The following CNIH3 variants were observed in gnomAD, a reference collection of about 807,000 sequenced individuals.
The protein encoded by CNIH3 is protein cornichon homolog 3.
A neutral mutation model predicts 24.1 loss-of-function variants in CNIH3; 14 were observed. That is an observed-to-expected ratio of 0.58 (90% confidence interval 0.38 to 0.91). CNIH3 has a LOEUF of 0.91. Ranked by LOEUF, CNIH3 falls within the 40% of genes least tolerant of loss-of-function variation. The pLI, the probability that CNIH3 is intolerant of heterozygous loss-of-function variation, is 0.00. For missense variants in CNIH3, 178 were observed against 196.8 expected (o/e 0.90, Z 0.57); for synonymous variants, 68 against 73.8 (o/e 0.92, Z 0.40).
downstream of CNIH3, among the ~76,000 whole-genome samples, chr1:224,539,255 T>C (rs1679418111): frequency 6.6e-6 from 1 of 152,212 alleles, no homozygotes. Context: ...GAAGCCTCAG[T>C]CGTCTTCCAT....
At chr1:224,582,191 T>C (rs1681304412) in intron 4 of CNIH3, among the ~76,000 whole-genome samples, 1 of 152,182 alleles carries the variant, frequency 6.6e-6, no homozygotes, top group Non-Finnish European at 1.5e-5. Flanking sequence ...CCTTCATCCT[T>C]TCTTTGTGCC....
intron 1 of CNIH3, among the ~76,000 whole-genome samples, chr1:224,484,171 C>CAAAAAAAAAAAAAAAA (rs35380158): frequency 7.1e-6 from 1 of 140,450 alleles, no homozygotes; most frequent in African/African-American, 2.7e-5. Flanking sequence ...AACTCTGTCT[C>CAAAAAAAAAAAAAAAA]AAAAAAAAAA....
intron 5 of CNIH3, 101 bp downstream of exon 5, chr1:224,734,807 G>C: frequency 3.1e-6 from 4 of 1,277,214 alleles, no homozygotes; most frequent in Non-Finnish European, 4.5e-6. Flanking sequence ...GGCGTGCGAG[G>C]GTGGGAGTCA....
At chr1:224,555,928 C>T (rs1423536746) in intron 3 of CNIH3, among the ~76,000 whole-genome samples, 3 of 152,210 alleles carry the variant, frequency 2.0e-5, no homozygotes, top group Admixed American at 1.3e-4. Flanking sequence ...TTGACTCCCA[C>T]CAGTTAGATG....
chr1:224,678,620 G>T (rs1228460535), intron 1 of CNIH3, among the ~76,000 whole-genome samples: 1 of 151,960 alleles, frequency 6.6e-6, no homozygotes, highest in Non-Finnish European at 1.5e-5. Context: ...TACTTAAAGG[G>T]GTTCTTTGTG....
intron 1 of CNIH3, among the ~76,000 whole-genome samples, chr1:224,634,456 C>T (rs1462116744): frequency 6.6e-6 from 1 of 151,842 alleles, no homozygotes; most frequent in Non-Finnish European, 1.5e-5. Flanking sequence ...GTAGTCCCAG[C>T]TACTCAGGAG....
At chr1:224,705,662 TTC>T (rs1425761208) in intron 3 of CNIH3, among the ~76,000 whole-genome samples, 1 of 152,112 alleles carries the variant, frequency 6.6e-6, no homozygotes, top group East Asian at 1.9e-4. Flanking sequence ...GTGGTGTCTG[TTC>T]TCTCTGTAGC....
chr1:224,517,622 C>T (rs1253344690), intron 1 of CNIH3, among the ~76,000 whole-genome samples: 2 of 152,008 alleles, frequency 1.3e-5, no homozygotes, highest in Admixed American at 6.6e-5. Flanking sequence ...TTTTATCCCT[C>T]ACCCCCTCCC....
In CNIH3 at chr1:224,575,935, C is replaced by G. The variant is rs1469010830; in HGVS notation, n.517-7229C>G. 2.0e-5 allele frequency among the ~76,000 whole-genome samples: 3 copies of G among 152,112 alleles called. No individual in the cohort carries two copies. The East Asian group carries it at 5.8e-4, about 29-fold the overall frequency. On this transcript the variant is annotated intron_variant and non_coding_transcript_variant, in intron 4 of 5. Coordinates refer to the CNIH3 transcript ENST00000471578. ...TGGGTGCAACAATTAGATACTTACT[C>G]AAGCTAGTACATATAAAAGGGAACT...
intron 5 of CNIH3, among the ~76,000 whole-genome samples, chr1:224,584,598 C>T (rs1018673589): frequency 6.6e-6 from 1 of 152,188 alleles, no homozygotes; most frequent in African/African-American, 2.4e-5. Flanking sequence ...CATTTGCAGT[C>T]ATCAGGATGG....
At chr1:224,733,624 G>A (rs1050135653) in intron 4 of CNIH3, among the ~76,000 whole-genome samples, 3 of 152,178 alleles carry the variant, frequency 2.0e-5, no homozygotes, top group African/African-American at 4.8e-5. Flanking sequence ...TCTCCCGGTC[G>A]GAGCCCTCTC....
chr1:224,698,145 C>G (rs1387369338), intron 3 of CNIH3, among the ~76,000 whole-genome samples: 3 of 152,194 alleles, frequency 2.0e-5, no homozygotes, highest in African/African-American at 7.2e-5. Context: ...GACAATTACA[C>G]AACTCATGGA....
At chr1:224,710,918 C>A (rs924179916) in intron 3 of CNIH3, among the ~76,000 whole-genome samples, 11 of 152,182 alleles carry the variant, frequency 7.2e-5, no homozygotes, top group Admixed American at 5.9e-4. Context: ...ATAATGATAT[C>A]TTGTGTACAT....
intron 3 of CNIH3, among the ~76,000 whole-genome samples, chr1:224,706,958 CTTTTTTT>C (rs71170031): frequency 3.7e-5 from 3 of 82,124 alleles, no homozygotes; most frequent in African/African-American, 9.0e-5. Flanking sequence ...TCCTTTCTTT[CTTTTTTT>C]TTTTTTTTTT....
At chr1:224,477,510 G>A (rs1282768459) in intron 1 of CNIH3, among the ~76,000 whole-genome samples, 3 of 151,922 alleles carry the variant, frequency 2.0e-5, no homozygotes, top group Admixed American at 2.0e-4. Flanking sequence ...AAACAAACAA[G>A]CAAAAAACAA....
At chr1:224,511,522 T>C (rs1678151449), upstream of CNIH3, among the ~76,000 whole-genome samples, 1 of 152,214 alleles carries the variant, frequency 6.6e-6, no homozygotes. Context: ...AGGATACTTA[T>C]TTCCTTTCAG....
chr1:224,716,121 A>G (rs6690131), intron 3 of CNIH3, among the ~76,000 whole-genome samples: 41,983 of 152,082 alleles, frequency 0.28, 5,947 homozygotes, highest in East Asian at 0.35. Flanking sequence ...AAATCCATCA[A>G]TATGACTCCA....
At chr1:224,516,312 CAAAAAAAAAA>C (rs71574505) in intron 1 of CNIH3, among the ~76,000 whole-genome samples, 4,109 of 67,700 alleles carry the variant, frequency 0.061, 221 homozygotes, top group African/African-American at 0.16. Context: ...GACTCTGTCT[CAAAAAAAAAA>C]AAAAAAAAAA....
chr1:224,478,057 G>A (rs1021423437), intron 1 of CNIH3, among the ~76,000 whole-genome samples: 2 of 151,982 alleles, frequency 1.3e-5, no homozygotes, highest in African/African-American at 4.8e-5. Flanking sequence ...TATGTTATTT[G>A]TTTCTATTCT....
Sources: allele counts gnomAD v4.1 joint callset (sites outside exome capture counted in the v4.1 genomes callset), GRCh38; gene constraint gnomAD v4.1.1; transcripts MANE v1.5; gene names NCBI Gene and HGNC (gene_info 2026-07-23, HGNC 2026-07-21).